WDR41: variants seen among roughly 807,000 people sequenced by gnomAD.
WDR41 encodes the protein WD repeat-containing protein 41.
WDR41 carries 63 observed loss-of-function variants against 69.3 expected under a neutral mutation model. The observed-to-expected ratio is 0.91, with a 90% CI of 0.74 to 1.12. The LOEUF (loss-of-function observed/expected upper bound fraction) is 1.12. Among genes scored for constraint, WDR41 ranks in the 50% most tolerant of loss-of-function variants. The pLI is 0.00. For missense variants in WDR41, 543 were observed against 534.5 expected (o/e 1.02, Z -0.16); for synonymous variants, 185 against 192.1 (o/e 0.96, Z 0.31).
chr5:77,526,073 T>A (rs951314457), intron 1 of WDR41, among the ~76,000 whole-genome samples: 9 of 152,188 alleles, frequency 5.9e-5, no homozygotes, highest in African/African-American at 2.2e-4. Flanking sequence ...TTTTATTCCT[T>A]ACAAAAAATT....
intron 1 of WDR41, among the ~76,000 whole-genome samples, chr5:77,606,946 A>G (rs2112332821): frequency 6.6e-6 from 1 of 152,038 alleles, no homozygotes; most frequent in Non-Finnish European, 1.5e-5. Context: ...AACTCAAGAT[A>G]AGTTTGCAGG....
At chr5:77,464,273 A>ATTTTTTTTTTTTTTTTTTTTTTTTTTTTT (rs772388660) in intron 3 of WDR41, among the ~76,000 whole-genome samples, 1 of 95,484 alleles carries the variant, frequency 1.0e-5, no homozygotes. Flanking sequence ...TTAGGAAAAA[A>ATTTTTTTTTTTTTTTTTTTTTTTTTTTTT]CTTTTTTTTT....
intron 1 of WDR41, among the ~76,000 whole-genome samples, chr5:77,546,838 C>A (rs1743208653): frequency 6.6e-6 from 1 of 151,964 alleles, no homozygotes; most frequent in Non-Finnish European, 1.5e-5. Flanking sequence ...AACTACAGAC[C>A]AATAGCCCTG....
At chr5:77,447,613 G>T (rs918265753) in intron 8 of WDR41, among the ~76,000 whole-genome samples, 1 of 152,214 alleles carries the variant, frequency 6.6e-6, no homozygotes, top group Non-Finnish European at 1.5e-5. Flanking sequence ...CATGTCCTTT[G>T]CAGGGACATA....
Position 77,582,933 on chromosome 5 carries a change from C to A in WDR41, c.42+37546G>T, listed in dbSNP as rs191141546. ...CTCTTGGTAAATACGGCATTATCTG[C>A]ATGGAGGATTTGATTCATGAGATCT... On this transcript the variant is annotated intron_variant, in intron 1 of 5. Coordinates refer to the WDR41 transcript ENST00000509971. The A allele has an allele frequency of 1.9e-6, 3 of 1,609,406 alleles. No individual in the cohort carries two copies. In the East Asian group the frequency reaches 6.7e-5, roughly 36 times the overall value.
chr5:77,543,834 A>C (rs1743139769), intron 1 of WDR41, among the ~76,000 whole-genome samples: 1 of 152,166 alleles, frequency 6.6e-6, no homozygotes, highest in Admixed American at 6.5e-5. Flanking sequence ...CAAAAAGATC[A>C]TCGCCTAGCC....
chr5:77,450,625 C>T (rs1233938488), intron 7 of WDR41, among the ~76,000 whole-genome samples: 3 of 152,138 alleles, frequency 2.0e-5, no homozygotes, highest in African/African-American at 7.2e-5. Context: ...GTCACAAATG[C>T]TCAGTCTAGA....
At chr5:77,614,010 G>T (rs942563751) in intron 1 of WDR41, among the ~76,000 whole-genome samples, 11 of 152,228 alleles carry the variant, frequency 7.2e-5, no homozygotes, top group African/African-American at 2.6e-4. Context: ...CTTCTCAAAA[G>T]AAGACATTTA....
intron 2 of WDR41, among the ~76,000 whole-genome samples, chr5:77,488,087 C>A (rs1801603545): frequency 6.6e-6 from 1 of 152,120 alleles, no homozygotes; most frequent in Non-Finnish European, 1.5e-5. Flanking sequence ...TTCTGTGAGT[C>A]CTTCTAGTGA....
At chr5:77,590,904 C>T (rs1007534318) in intron 1 of WDR41, among the ~76,000 whole-genome samples, 3 of 152,072 alleles carry the variant, frequency 2.0e-5, no homozygotes, top group Non-Finnish European at 4.4e-5. Context: ...AGTGCTCCCT[C>T]TTTTTTTGTT....
At chr5:77,578,588 A>G (rs535115867) in intron 1 of WDR41, among the ~76,000 whole-genome samples, 26 of 152,300 alleles carry the variant, frequency 1.7e-4, no homozygotes, top group South Asian at 1.0e-3. Flanking sequence ...AAAGGAAAGC[A>G]TAATTAAAGA....
At chr5:77,491,860 G>C (rs2112131100) in intron 1 of WDR41, 1 of 397,650 alleles carries the variant, frequency 2.5e-6, no homozygotes, top group Non-Finnish European at 4.5e-6. Flanking sequence ...GCCCTAAGTT[G>C]TCACAGGTCC....
At chr5:77,511,981 G>A (rs1802210239) in intron 1 of WDR41, among the ~76,000 whole-genome samples, 1 of 151,970 alleles carries the variant, frequency 6.6e-6, no homozygotes, top group Middle Eastern at 3.2e-3. Context: ...ACCATTCTTA[G>A]GATTTAGGCA....
At chr5:77,587,274 G>C (rs111779408) in intron 1 of WDR41, among the ~76,000 whole-genome samples, 2,857 of 151,926 alleles carry the variant, frequency 0.019, 77 homozygotes, top group African/African-American at 0.055. Flanking sequence ...CCAGTTTTTG[G>C]CTACTACAAA....
At chr5:77,463,834 T>C (rs1469231607) in intron 3 of WDR41, among the ~76,000 whole-genome samples, 3 of 152,190 alleles carry the variant, frequency 2.0e-5, no homozygotes, top group Non-Finnish European at 1.5e-5. Flanking sequence ...CTTTCCAAGA[T>C]TGCAGGACTT....
intron 1 of WDR41, among the ~76,000 whole-genome samples, chr5:77,544,030 G>T (rs888779529): frequency 6.6e-6 from 1 of 152,052 alleles, no homozygotes; most frequent in Non-Finnish European, 1.5e-5. Flanking sequence ...CAACAGCCAA[G>T]AATTTTGTAC....
Position 77,462,579 on chromosome 5 carries a change from TA to T in WDR41, c.348+515del, listed in dbSNP as rs574029625. Among the ~76,000 whole-genome samples, 29 of 152,292 alleles carry T rather than the reference TA, an allele frequency of 1.9e-4. No individual in the cohort carries two copies. The South Asian group carries it at 5.8e-3, about 30-fold the overall frequency. On this transcript the variant is annotated intron_variant, in intron 4 of 12. Transcript: ENST00000296679. The stretch of plus-strand genomic sequence containing the variant: ...CCTAAAAGTATGGGTAAAGAAAAAG[TA>T]ATTTTACTTTTATAAAATTGTTTTT...
At chr5:77,574,116 G>A (rs1388299456) in intron 1 of WDR41, among the ~76,000 whole-genome samples, 1 of 151,954 alleles carries the variant, frequency 6.6e-6, no homozygotes, top group African/African-American at 2.4e-5. Flanking sequence ...TAGTCAACAT[G>A]GTAAAACCCT....
intron 1 of WDR41, among the ~76,000 whole-genome samples, chr5:77,591,597 T>C (rs1744139094): frequency 6.6e-6 from 1 of 152,164 alleles, no homozygotes; most frequent in Non-Finnish European, 1.5e-5. Flanking sequence ...TCTGCTGTAT[T>C]TTTATTATTG....
Sources: gnomAD v4.1 joint callset for allele counts (sites outside exome capture counted in the v4.1 genomes callset) on GRCh38, gnomAD v4.1.1 for gene constraint, MANE v1.5 for transcripts, NCBI Gene and HGNC (gene_info 2026-07-23, HGNC 2026-07-21) for gene names.